Variants in CTDSPL2 observed in about 807,000 individuals in gnomAD.
The protein encoded by CTDSPL2 is CTD small phosphatase like 2.
Under a neutral mutation model 60.0 loss-of-function variants are expected in CTDSPL2, and 5 were observed. The observed-to-expected ratio is 0.08, with a 90% confidence interval of 0.04 to 0.18. The LOEUF is 0.18. CTDSPL2 is among the 10% of genes least tolerant of loss of function. The pLI is 1.00. For synonymous variants in CTDSPL2, 186 were observed against 189.3 expected, an observed-to-expected ratio of 0.98 and a Z score of 0.14; for missense variants, 370 against 548.8, an observed-to-expected ratio of 0.67 and a Z score of 3.26.
chr15:44,456,223 C>T (rs929284616), intron 1 of CTDSPL2, among the ~76,000 whole-genome samples: 8 of 152,094 alleles, frequency 5.3e-5, no homozygotes, highest in African/African-American at 1.9e-4. Context: ...TGTGTCTCCG[C>T]CAGGCTTTGT....
At chr15:44,474,379 T>A (rs912870524) in intron 2 of CTDSPL2, among the ~76,000 whole-genome samples, 18 of 152,112 alleles carry the variant, frequency 1.2e-4, no homozygotes, top group Admixed American at 7.2e-4. Context: ...TAGTCCCTGC[T>A]ACTCAGGAGG....
intron 2 of CTDSPL2, among the ~76,000 whole-genome samples, chr15:44,459,769 C>T (rs1038523304): frequency 3.3e-5 from 5 of 152,064 alleles, no homozygotes; most frequent in Non-Finnish European, 7.4e-5. Context: ...TGAGTTGTTT[C>T]TTTTACTTTC....
chr15:44,507,451 TATTCATCCCAA>T (rs941327108), intron 8 of CTDSPL2, among the ~76,000 whole-genome samples: 2 of 152,216 alleles, frequency 1.3e-5, no homozygotes, highest in African/African-American at 4.8e-5. Flanking sequence ...AGTGTTTACC[TATTCATCCCAA>T]ATTTATCCAC....
chr15:44,444,304 C>G (rs1165477179), intron 1 of CTDSPL2, among the ~76,000 whole-genome samples: 1 of 97,872 alleles, frequency 1.0e-5, no homozygotes, highest in Non-Finnish European at 2.5e-5. Context: ...TTTTCCCATA[C>G]ACACACACAC....
chr15:44,472,940 C>T (rs549155752), intron 2 of CTDSPL2, among the ~76,000 whole-genome samples: 21 of 152,244 alleles, frequency 1.4e-4, no homozygotes, highest in African/African-American at 4.1e-4. Flanking sequence ...GGATTACAGG[C>T]TTGAGTCACT....
chr15:44,477,086 A>C (rs79309194), intron 2 of CTDSPL2, among the ~76,000 whole-genome samples: 21 of 152,306 alleles, frequency 1.4e-4, no homozygotes, highest in African/African-American at 4.1e-4. Context: ...CGAATTAGTC[A>C]AGCGTGGTGC....
At chr15:44,497,510 C>A (rs991861948) in intron 7 of CTDSPL2, among the ~76,000 whole-genome samples, 1 of 152,024 alleles carries the variant, frequency 6.6e-6, no homozygotes, top group Non-Finnish European at 1.5e-5. Context: ...GGACTACAGG[C>A]GCCTGCCACC....
chr15:44,480,738 C>T (rs1471226308), intron 2 of CTDSPL2, among the ~76,000 whole-genome samples: 1 of 151,806 alleles, frequency 6.6e-6, no homozygotes, highest in African/African-American at 2.4e-5. Flanking sequence ...GAGGCTGAGG[C>T]AGGAAGAATG....
At chr15:44,479,407 CTT>C (rs11414036) in intron 2 of CTDSPL2, among the ~76,000 whole-genome samples, 14 of 97,890 alleles carry the variant, frequency 1.4e-4, no homozygotes, top group South Asian at 3.6e-4. Context: ...ATTTTCTTTC[CTT>C]TTTTTTTTTT....
At position 44,514,636 on chromosome 15, in the gene CTDSPL2, G is replaced by A. The variant is rs1567103603; in HGVS notation, c.1008G>A (p.Leu336=). 1 of 1,609,050 alleles carries A rather than the reference G, an allele frequency of 6.2e-7. No homozygotes were observed. The highest frequency in any genetic ancestry group is 8.5e-7 in the Non-Finnish European group (1 of 1,175,742). Residue 336 remains leucine, a synonymous_variant, in exon 9 of 13, where the codon CTG becomes CTA. Transcript: ENST00000260327. The part of the protein sequence containing the change: ...VRLRPFFREF[L]ERMSQMYEII... The stretch of plus-strand genomic sequence containing the variant: ...TAAGACCATTTTTCAGGGAATTCCT[G>A]GAACGAATGTCTCAGATGTATGAGG...
At chr15:44,464,173 A>C (rs963226802) in intron 2 of CTDSPL2, among the ~76,000 whole-genome samples, 3 of 152,164 alleles carry the variant, frequency 2.0e-5, no homozygotes, top group Admixed American at 6.6e-5. Flanking sequence ...CTACGCCCGC[A>C]ACAGCTCTTA....
At chr15:44,516,287 T>G (rs571533525) in intron 10 of CTDSPL2, among the ~76,000 whole-genome samples, 1 of 152,172 alleles carries the variant, frequency 6.6e-6, no homozygotes, top group Non-Finnish European at 1.5e-5. Context: ...ATAAATTTTC[T>G]TAAATACTTT....
intron 5 of CTDSPL2, among the ~76,000 whole-genome samples, chr15:44,495,726 G>A (rs1371884123): frequency 6.6e-6 from 1 of 151,846 alleles, no homozygotes; most frequent in Non-Finnish European, 1.5e-5. Flanking sequence ...CTGGGGTTGG[G>A]TGTTTGAGAC....
At chr15:44,480,069 C>G (rs949867733) in intron 2 of CTDSPL2, among the ~76,000 whole-genome samples, 2 of 152,086 alleles carry the variant, frequency 1.3e-5, no homozygotes, top group African/African-American at 4.8e-5. Flanking sequence ...ACATTTGATT[C>G]CACTCCCAAT....
At chr15:44,452,399 CT>C (rs1394088464) in intron 1 of CTDSPL2, among the ~76,000 whole-genome samples, 1 of 152,122 alleles carries the variant, frequency 6.6e-6, no homozygotes, top group Non-Finnish European at 1.5e-5. Flanking sequence ...TTAGTATTCA[CT>C]TACATGAAAA....
intron 4 of CTDSPL2, among the ~76,000 whole-genome samples, chr15:44,489,015 G>A (rs1325472106): frequency 6.6e-6 from 1 of 152,094 alleles, no homozygotes; most frequent in Non-Finnish European, 1.5e-5. Flanking sequence ...TCTAGTGGAA[G>A]GGACTTGGGA....
chr15:44,453,297 A>G (rs997532024), intron 1 of CTDSPL2, among the ~76,000 whole-genome samples: 2 of 151,904 alleles, frequency 1.3e-5, no homozygotes, highest in African/African-American at 4.8e-5. Context: ...CCTTTTTATT[A>G]TGTTGAGGAA....
At chr15:44,496,797 G>T (rs930308575) in intron 6 of CTDSPL2, among the ~76,000 whole-genome samples, 1 of 152,132 alleles carries the variant, frequency 6.6e-6, no homozygotes, top group Non-Finnish European at 1.5e-5. Context: ...GGAGGCAGAG[G>T]TTACAGTGAC....
In CTDSPL2 at chr15:44,444,645, C is replaced by G. The variant is rs1489164595; in HGVS notation, c.-24-14346C>G. Among the ~76,000 whole-genome samples the G allele has an allele frequency of 4.0e-5, 6 of 151,356 alleles. No individual in the cohort carries two copies. The East Asian group carries it at 1.2e-3, about 30-fold the overall frequency. ...ACTGGTGTGAGCCACCACACCCAGCCTATATTTTCTTCTAAGAGTCTTAGC... is the reference window on the plus strand; with the variant it reads ...ACTGGTGTGAGCCACCACACCCAGCGTATATTTTCTTCTAAGAGTCTTAGC... On this transcript the variant is annotated intron_variant, in intron 1 of 12. Coordinates refer to ENST00000260327, the MANE Select transcript of CTDSPL2 (RefSeq NM_016396.3).
Sources: gnomAD v4.1 joint callset for allele counts (sites outside exome capture counted in the v4.1 genomes callset) on GRCh38, gnomAD v4.1.1 for gene constraint, MANE v1.5 for transcripts, NCBI Gene and HGNC (gene_info 2026-07-23, HGNC 2026-07-21) for gene names.